The following PARD3B variants were observed in gnomAD, a reference collection of about 807,000 sequenced individuals.
PARD3B encodes partitioning defective 3 homolog B.
In PARD3B, 103 loss-of-function variants were observed where a neutral mutation model predicts 130.2. The observed-to-expected ratio is 0.79, with a 90% CI of 0.67 to 0.93. The LOEUF (loss-of-function observed/expected upper bound fraction) is 0.93, where lower values mean the gene tolerates loss of function less well. Ranked by LOEUF, PARD3B falls within the 40% of genes least tolerant of loss-of-function variation. The pLI is 0.00. For missense variants in PARD3B, 1,609 were observed against 1,499.2 expected (o/e 1.07, Z -1.21); for synonymous variants, 583 against 553.2 (o/e 1.05, Z -0.76).
chr2:204,917,921 A>G (rs1452981416), intron 2 of PARD3B, among the ~76,000 whole-genome samples: 5 of 152,152 alleles, frequency 3.3e-5, no homozygotes, highest in African/African-American at 1.2e-4. Context: ...AATCTGATTA[A>G]ATATTAGAAT....
In PARD3B at chr2:204,669,149, A is replaced by G. The variant is rs147595063; in HGVS notation, c.121-17032A>G. 5.9e-5 allele frequency among the ~76,000 whole-genome samples: 9 copies of G among 152,298 alleles called. No individual in the cohort carries two copies. The highest frequency in any genetic ancestry group is 2.2e-4 in the African/African-American group (9 of 41,572). ...TGTTATTGCAGTCCACTAAGTTGGTAGGTAATTTGTAACCGGAGAAATAGG... is the reference window on the plus strand; with the variant it reads ...TGTTATTGCAGTCCACTAAGTTGGTGGGTAATTTGTAACCGGAGAAATAGG... On this transcript the variant is annotated intron_variant, in intron 1 of 22. Coordinates refer to ENST00000406610, the MANE Select transcript of PARD3B (RefSeq NM_001302769.2). This position sits in a 1 kb window ranked among gnomAD's most constrained non-coding sequence, Gnocchi z 4.3.
intron 3 of PARD3B, among the ~76,000 whole-genome samples, chr2:205,017,544 A>G (rs1210382524): frequency 6.6e-6 from 1 of 151,936 alleles, no homozygotes; most frequent in Non-Finnish European, 1.5e-5. Context: ...CTATGCACTC[A>G]TTGTTTTCTA....
At chr2:205,134,113 A>G (rs951321917) in intron 10 of PARD3B, among the ~76,000 whole-genome samples, 24 of 151,788 alleles carry the variant, frequency 1.6e-4, no homozygotes, top group African/African-American at 5.8e-4. Context: ...CACAGATTCT[A>G]GGAAAGTGAT....
chr2:205,339,322 T>C (rs2043430549), intron 18 of PARD3B, among the ~76,000 whole-genome samples: 1 of 152,216 alleles, frequency 6.6e-6, no homozygotes, highest in Non-Finnish European at 1.5e-5. Flanking sequence ...AATATAAAAC[T>C]GTGAATTAAT....
chr2:205,215,734 T>G (rs2037873998), intron 15 of PARD3B, among the ~76,000 whole-genome samples: 2 of 152,202 alleles, frequency 1.3e-5, no homozygotes, highest in South Asian at 4.1e-4. Context: ...ATAGGCACCT[T>G]AACACTATTT....
intron 21 of PARD3B, among the ~76,000 whole-genome samples, chr2:205,518,423 ATTTGCTTGGTAGAT>A (rs1369214209): frequency 6.6e-6 from 1 of 151,618 alleles, no homozygotes; most frequent in East Asian, 1.9e-4. Context: ...TCTGTTTTCT[ATTTGCTTGGTAGAT>A]TTTCCTCTGT....
chr2:205,054,436 A>ATATATATATATATATATATT (rs1411271901), intron 4 of PARD3B, among the ~76,000 whole-genome samples: 1 of 28,440 alleles, frequency 3.5e-5, no homozygotes, highest in Non-Finnish European at 5.7e-5. Flanking sequence ...ATATATATAT[A>ATATATATATATATATATATT]TTTTTTTTTT....
intron 2 of PARD3B, among the ~76,000 whole-genome samples, chr2:204,687,412 A>T (rs1290727653): frequency 6.6e-6 from 1 of 152,170 alleles, no homozygotes; most frequent in South Asian, 2.1e-4. Flanking sequence ...AGATAAACCT[A>T]GTTATCTCCC....
At chr2:205,126,513 G>A (rs142500695) in intron 10 of PARD3B, among the ~76,000 whole-genome samples, 2,422 of 151,134 alleles carry the variant, frequency 0.016, 59 homozygotes, top group African/African-American at 0.055. Flanking sequence ...AGGCCGAGGC[G>A]GGTGGATCAT....
At chr2:205,264,920 A>G (rs113520113) in intron 16 of PARD3B, among the ~76,000 whole-genome samples, 2 of 151,112 alleles carry the variant, frequency 1.3e-5, no homozygotes, top group African/African-American at 2.4e-5. Flanking sequence ...CATTTTATCT[A>G]TTGTAAACTG....
At chr2:205,157,338 G>A (rs1359103198) in intron 10 of PARD3B, among the ~76,000 whole-genome samples, 2 of 152,134 alleles carry the variant, frequency 1.3e-5, no homozygotes, top group East Asian at 3.9e-4. Flanking sequence ...AATATAATGA[G>A]TTAGCTGAAA....
At chr2:205,566,445 A>T (rs950718128) in intron 22 of PARD3B, among the ~76,000 whole-genome samples, 1 of 152,102 alleles carries the variant, frequency 6.6e-6, no homozygotes, top group South Asian at 2.1e-4. Flanking sequence ...GATGGATTGC[A>T]TGTGGGGGTT....
chr2:205,615,874 T>C lies in PARD3B; in HGVS notation c.*61T>C. The C allele has an allele frequency of 7.1e-7, 1 of 1,413,456 alleles. No individual in the cohort carries two copies. The highest frequency in any genetic ancestry group is 9.7e-7 in the Non-Finnish European group (1 of 1,033,992). 87.6% of individuals were successfully genotyped at this position (1,413,456 alleles called of 1,614,324 possible). On this transcript the variant is annotated 3_prime_UTR_variant, in exon 23 of 23. Coordinates refer to ENST00000406610, the MANE Select transcript of PARD3B (RefSeq NM_001302769.2). ...AAGGTGTCTACTCTACCTTTGCCCT[T>C]TCTAAACCTGAAGACCTCCTTGGTG...
At chr2:204,748,023 GA>G (rs2040313318) in intron 2 of PARD3B, among the ~76,000 whole-genome samples, 1 of 151,872 alleles carries the variant, frequency 6.6e-6, no homozygotes, top group African/African-American at 2.4e-5. Context: ...TGGGTAATGG[GA>G]AAAACATCAT....
intron 13 of PARD3B, among the ~76,000 whole-genome samples, chr2:205,181,477 A>G (rs754322432): frequency 3.9e-5 from 6 of 152,232 alleles, no homozygotes; most frequent in Admixed American, 2.6e-4. Context: ...AAAGTGCAAG[A>G]TAGTAAATAT....
intron 4 of PARD3B, among the ~76,000 whole-genome samples, chr2:205,102,951 C>G (rs1702889036): frequency 6.6e-6 from 1 of 151,786 alleles, no homozygotes; most frequent in Non-Finnish European, 1.5e-5. Flanking sequence ...ACCTGTAATC[C>G]CAGCCACTCG....
chr2:204,783,896 T>C (rs1047746639), intron 2 of PARD3B, among the ~76,000 whole-genome samples: 7 of 152,172 alleles, frequency 4.6e-5, no homozygotes, highest in African/African-American at 1.7e-4. Flanking sequence ...TTCTTTTGGC[T>C]TTTTGGAATA....
chr2:205,055,707 G>A lies in PARD3B; in HGVS notation c.504+8017G>A, dbSNP rs191585775. ...AACTAGTGACTTCAAGATTCCAGAT[G>A]TGAATTATTAAGTTGGTTGGTATGA... On this transcript the variant is annotated intron_variant, in intron 4 of 22. Coordinates refer to ENST00000406610, the MANE Select transcript of PARD3B (RefSeq NM_001302769.2). 4.7e-3 allele frequency among the ~76,000 whole-genome samples: 716 copies of A among 152,228 alleles called. 1 individual carries two copies. Among genetic ancestry groups the A allele is most frequent in the Middle Eastern group, 0.014 (4 of 294 alleles).
Position 205,589,583 on chromosome 2 carries a change from C to T in PARD3B, c.3261-25873C>T, listed in dbSNP as rs1373694607. On this transcript the variant is annotated intron_variant, in intron 22 of 22. Transcript: ENST00000406610. The surrounding 1 kb of genome is among the most constrained non-coding windows in gnomAD (Gnocchi z 4.1). ...ATTTTGGTACCTTCCTTTTTATTTA[C>T]TCCCTTGGGTCTGAGCAGGCAAGAC... is the stretch of plus-strand genomic sequence containing the variant. Among the ~76,000 whole-genome samples the T allele has an allele frequency of 6.6e-6, 1 of 152,172 alleles. No individual in the cohort carries two copies. The highest frequency in any genetic ancestry group is 1.5e-5 in the Non-Finnish European group (1 of 68,020).
Sources: gnomAD v4.1 joint callset for allele counts (sites outside exome capture counted in the v4.1 genomes callset) on GRCh38, gnomAD v4.1.1 for gene constraint, Gnocchi (gnomAD v3.1) non-coding constraint, MANE v1.5 for transcripts, NCBI Gene and HGNC (gene_info 2026-07-23, HGNC 2026-07-21) for gene names.